The following ARHGAP32 variants were observed in gnomAD, a reference collection of about 807,000 sequenced individuals.
ARHGAP32 encodes Rho GTPase activating protein 32, also known as rho GTPase-activating protein 32.
In ARHGAP32, 51 loss-of-function variants were observed where a neutral mutation model predicts 186.5. That is an observed-to-expected ratio of 0.27 (90% confidence interval 0.22 to 0.35). The LOEUF is 0.35. Among genes scored for constraint, ARHGAP32 ranks in the 10% least tolerant of loss-of-function variants. ARHGAP32 has a pLI of 1.00. For synonymous variants in ARHGAP32, 950 were observed against 964.3 expected (o/e 0.99, Z 0.27); for missense variants, 2,186 against 2,623.5 (o/e 0.83, Z 3.64).
At chr11:129,099,638 G>C (rs944844248) in intron 5 of ARHGAP32, among the ~76,000 whole-genome samples, 2 of 151,972 alleles carry the variant, frequency 1.3e-5, no homozygotes, top group African/African-American at 4.8e-5. Context: ...AGAGAGTGGA[G>C]GTGACTATAC....
At chr11:129,166,576 A>G (rs1943646291) in intron 1 of ARHGAP32, among the ~76,000 whole-genome samples, 1 of 152,138 alleles carries the variant, frequency 6.6e-6, no homozygotes, top group African/African-American at 2.4e-5. Context: ...TTCAATGGAA[A>G]AGAGAAAATA....
At chr11:129,268,927 C>G (rs975991591) in intron 1 of ARHGAP32, among the ~76,000 whole-genome samples, 1 of 152,106 alleles carries the variant, frequency 6.6e-6, no homozygotes, top group African/African-American at 2.4e-5. Context: ...ACAGCAGGAG[C>G]CTAGACAAAG....
At chr11:128,999,665 A>C (rs509279) in intron 11 of ARHGAP32, among the ~76,000 whole-genome samples, 53,045 of 151,904 alleles carry the variant, frequency 0.35, 9,516 homozygotes, top group Non-Finnish European at 0.39. Context: ...TGTACTCTTT[A>C]CCTTTATTTC....
intron 11 of ARHGAP32, among the ~76,000 whole-genome samples, chr11:129,018,088 C>A (rs1023084826): frequency 6.6e-6 from 1 of 151,962 alleles, no homozygotes; most frequent in African/African-American, 2.4e-5. Context: ...AAGTGCAGAA[C>A]GTGCAGAAGG....
intron 2 of ARHGAP32, among the ~76,000 whole-genome samples, chr11:129,127,899 T>G (rs761998051): frequency 2.0e-5 from 3 of 152,220 alleles, no homozygotes; most frequent in Admixed American, 6.5e-5. Context: ...AAAAGGCAAC[T>G]GAACATATGT....
At chr11:129,101,609 C>T (rs1456719950) in intron 5 of ARHGAP32, among the ~76,000 whole-genome samples, 1 of 152,052 alleles carries the variant, frequency 6.6e-6, no homozygotes, top group Non-Finnish European at 1.5e-5. Context: ...AATCTCAAAG[C>T]TTGAAGACAG....
At chr11:129,173,637 C>G (rs1470570103) in intron 1 of ARHGAP32, among the ~76,000 whole-genome samples, 1 of 152,190 alleles carries the variant, frequency 6.6e-6, no homozygotes, top group Non-Finnish European at 1.5e-5. Context: ...AAGTCGGCTT[C>G]ATTCCTGGGA....
chr11:129,176,085 GA>G (rs1342225560), intron 1 of ARHGAP32, among the ~76,000 whole-genome samples: 1 of 83,406 alleles, frequency 1.2e-5, no homozygotes, highest in Non-Finnish European at 2.3e-5. Flanking sequence ...TAAAAGGATG[GA>G]GGAAGATCTA....
At chr11:129,035,223 G>T (rs1484543782) in intron 11 of ARHGAP32, among the ~76,000 whole-genome samples, 1 of 150,256 alleles carries the variant, frequency 6.7e-6, no homozygotes, top group African/African-American at 2.5e-5. Context: ...TTTTTCCTAA[G>T]GTACCATGGG....
At chr11:129,150,198 A>C (rs1012112014) in intron 2 of ARHGAP32, among the ~76,000 whole-genome samples, 2 of 151,664 alleles carry the variant, frequency 1.3e-5, no homozygotes, top group Non-Finnish European at 2.9e-5. Context: ...TAAGAAAAAT[A>C]GGTGTTCCTG....
intron 2 of ARHGAP32, among the ~76,000 whole-genome samples, chr11:129,146,789 T>TA (rs1480730965): frequency 6.6e-6 from 1 of 152,060 alleles, no homozygotes; most frequent in African/African-American, 2.4e-5. Context: ...ATATGTTTAT[T>TA]AAAAAACTAA....
chr11:129,067,280 C>A (rs910073083), intron 6 of ARHGAP32, among the ~76,000 whole-genome samples: 1 of 151,962 alleles, frequency 6.6e-6, no homozygotes, highest in Non-Finnish European at 1.5e-5. Context: ...TGACTGAGAT[C>A]GGAAATATAC....
intron 12 of ARHGAP32, among the ~76,000 whole-genome samples, chr11:128,990,230 C>T (rs1946009048): frequency 6.6e-6 from 1 of 152,084 alleles, no homozygotes; most frequent in Non-Finnish European, 1.5e-5. Flanking sequence ...CATTGAATAC[C>T]CACAAGTAGA....
chr11:129,074,356 C>A (rs1359374378), intron 6 of ARHGAP32, among the ~76,000 whole-genome samples: 1 of 151,770 alleles, frequency 6.6e-6, no homozygotes, highest in Non-Finnish European at 1.5e-5. Context: ...AGTAATAATA[C>A]AAAGGATAGA....
chr11:129,230,336 A>G (rs1422159163), intron 1 of ARHGAP32, among the ~76,000 whole-genome samples: 3 of 152,198 alleles, frequency 2.0e-5, no homozygotes, highest in Admixed American at 1.3e-4. Context: ...CTTTGAGGAA[A>G]TGTTTCAGAT....
chr11:129,018,290 T>C (rs1301479097), intron 11 of ARHGAP32, among the ~76,000 whole-genome samples: 1 of 152,114 alleles, frequency 6.6e-6, no homozygotes, highest in Non-Finnish European at 1.5e-5. Context: ...ACATATTAGA[T>C]GTGAACTTCT....
chr11:129,217,543 A>G (rs1944662428), intron 1 of ARHGAP32, among the ~76,000 whole-genome samples: 3 of 152,172 alleles, frequency 2.0e-5, no homozygotes, highest in African/African-American at 7.2e-5. Context: ...TTCTAGAGCT[A>G]ACTTTTATAA....
chr11:129,201,858 C>G (rs1944459166), intron 1 of ARHGAP32, among the ~76,000 whole-genome samples: 1 of 152,070 alleles, frequency 6.6e-6, no homozygotes, highest in Non-Finnish European at 1.5e-5. Flanking sequence ...TGATGCACAT[C>G]TGTAGACCCA....
rs34630708 is a variant in ARHGAP32, at chr11:128,982,891, TAAAA to T, written c.1527-959_1527-956del. Among the ~76,000 whole-genome samples, 98 of 66,420 alleles carry T rather than the reference TAAAA, an allele frequency of 1.5e-3. 1 individual carries two copies. In the East Asian group the frequency reaches 0.037, roughly 25 times the overall value. The allele number at this position is 66,420 out of a possible 152,430, so 43.6% of individuals were successfully genotyped here. ...GGGTGACAGAGTGAGACCTTGTCTT[TAAAA>T]AAAAAAAAAAAAAAAAAAAAAAGGA... On this transcript the variant is annotated intron_variant, in intron 15 of 22. Transcript: ENST00000682385.
Sources: gnomAD v4.1 joint callset for allele counts (sites outside exome capture counted in the v4.1 genomes callset) on GRCh38, gnomAD v4.1.1 for gene constraint, MANE v1.5 for transcripts, NCBI Gene and HGNC (gene_info 2026-07-23, HGNC 2026-07-21) for gene names.